MYH13: variants seen among roughly 807,000 people sequenced by gnomAD.
The protein encoded by MYH13 is myosin-13.
MYH13 carries 177 observed loss-of-function variants against 232.1 expected under a neutral mutation model. That is an observed-to-expected ratio of 0.76 (90% CI 0.67 to 0.86). The LOEUF (loss-of-function observed/expected upper bound fraction) is 0.86. Ranked by LOEUF, MYH13 falls within the 40% of genes least tolerant of loss-of-function variation. The probability of loss-of-function intolerance (pLI) is 0.00; values close to 1 mark genes in which losing one functional copy is unlikely to be tolerated. For synonymous variants in MYH13, 884 were observed against 923.5 expected, an observed-to-expected ratio of 0.96 and a Z score of 0.78; for missense variants, 2,246 against 2,405.9, an observed-to-expected ratio of 0.93 and a Z score of 1.39.
At chr17:10,315,169 G>A (rs1171236535) in intron 29 of MYH13, among the ~76,000 whole-genome samples, 1 of 152,214 alleles carries the variant, frequency 6.6e-6, no homozygotes, top group Non-Finnish European at 1.5e-5. Context: ...GACAGAGGAG[G>A]CCAGGGGATG....
chr17:10,345,412 A>G (rs1304641672), intron 14 of MYH13, 40 bp from the exon 15 acceptor site: 1 of 1,614,084 alleles, frequency 6.2e-7, no homozygotes, highest in African/African-American at 1.3e-5. Context: ...GTGAGCTTGG[A>G]AAATACATTG....
In MYH13 at chr17:10,319,032, C is replaced by T. The variant is rs767954040; in HGVS notation, c.3496G>A (p.Glu1166Lys). Residue 1166 changes from glutamate to lysine, a missense_variant, in exon 27 of 41, where the codon GAG becomes AAG. Coordinates refer to ENST00000252172, the MANE Select transcript of MYH13 (RefSeq NM_003802.3). ...EASGATSAQI[E>K]MNKKREAEFQ... is the part of the protein sequence containing the mutation. ...TCAGCCTCCCTCTTCTTGTTCATCTCAATCTGGGCTGAAGTGGCCCCACTG... is the reference window on the plus strand; with the variant it reads ...TCAGCCTCCCTCTTCTTGTTCATCTTAATCTGGGCTGAAGTGGCCCCACTG... The T allele has an allele frequency of 5.0e-6, 8 of 1,614,164 alleles. No homozygotes were observed. The highest frequency in any genetic ancestry group is 3.3e-5 in the Admixed American group (2 of 60,014).
At chr17:10,351,668 A>T (rs2071711768) in intron 11 of MYH13, among the ~76,000 whole-genome samples, 1 of 152,212 alleles carries the variant, frequency 6.6e-6, no homozygotes, top group African/African-American at 2.4e-5. Context: ...GGAGGGTGTG[A>T]TAAGACTGGG....
chr17:10,337,906 A>T (rs1041464718), intron 18 of MYH13, among the ~76,000 whole-genome samples: 4 of 152,166 alleles, frequency 2.6e-5, no homozygotes, highest in Non-Finnish European at 1.5e-5. Context: ...TACAAAAATT[A>T]GCTGGGCATG....
At position 10,364,442 on chromosome 17, in the gene MYH13, C is replaced by T. The variant is rs746153983; in HGVS notation, c.89G>A (p.Arg30His). ...GCAGGCTTTCTTGGAATCGAATGGA[C>T]GATTTTGAGCCTCGATTCTCTCCTT... ...PEKERIEAQN[R>H]PFDSKKACFV... Residue 30 changes from arginine (R) to histidine (H), a missense_variant, in exon 3 of 41, where the codon CGT (arginine) becomes CAT (histidine). Physicochemically the swap from Arg to His is conservative, Grantham distance 29. Coordinates refer to ENST00000252172, the MANE Select transcript of MYH13 (RefSeq NM_003802.3). 1.6e-5 allele frequency: 26 copies of T among 1,612,950 alleles called. No homozygotes were observed. Among genetic ancestry groups the T allele is most frequent in the Non-Finnish European group, 2.0e-5 (24 of 1,179,544 alleles).
At chr17:10,310,638 C>T (rs1289712280) in intron 33 of MYH13, among the ~76,000 whole-genome samples, 1 of 152,148 alleles carries the variant, frequency 6.6e-6, no homozygotes, top group African/African-American at 2.4e-5. Flanking sequence ...TCTAAAATGA[C>T]AGGGCAACTG....
rs377063691 is a variant in MYH13, at chr17:10,306,584, C to T, written c.5341G>A (p.Ala1781Thr). ...TTCTTCTTCATCCGCTCCAGGTGGG[C>T]GCTGGTGTCCTGTTCCTTCTTTAGC... ...EELKKEQDTSAHLERMKKNLE... is the reference protein window; with the variant it reads ...EELKKEQDTSTHLERMKKNLE... Residue 1781 changes from alanine (A) to threonine (T), a missense_variant, in exon 37 of 41, where the codon GCC (alanine) becomes ACC (threonine). Ala to Thr is a moderately conservative substitution (Grantham distance 58, BLOSUM62 0). Coordinates refer to ENST00000252172, the MANE Select transcript of MYH13 (RefSeq NM_003802.3). This position sits in a 1 kb window ranked among gnomAD's most constrained non-coding sequence, Gnocchi z 4.3. 25 of 1,613,992 alleles carry T rather than the reference C, an allele frequency of 1.5e-5. No individual in the cohort carries two copies. Among genetic ancestry groups the T allele is most frequent in the Admixed American group, 1.5e-4 (9 of 59,996 alleles).
rs964308942 is a variant in MYH13 at position 10,352,305 on chromosome 17, C to T, written c.1006-1611G>A. ...TATACCAGGCAGGCTATAAAAGCTC[C>T]GTGAGGCCAGGCGCGGTAGCTCACA... On this transcript the variant is annotated intron_variant, in intron 11 of 40. Transcript: ENST00000252172. Among the ~76,000 whole-genome samples, 10 of 152,192 alleles carry T rather than the reference C, an allele frequency of 6.6e-5. No individual in the cohort carries two copies. The East Asian group carries it at 9.7e-4, about 15-fold the overall frequency.
At chr17:10,349,585 C>T (rs1445360267) in intron 12 of MYH13, among the ~76,000 whole-genome samples, 1 of 152,056 alleles carries the variant, frequency 6.6e-6, no homozygotes, top group Admixed American at 6.6e-5. Context: ...TCTAGGATGG[C>T]ACCCAAGGTG....
At chr17:10,341,009 T>C (rs530674710) in intron 16 of MYH13, 1 of 126,786 alleles carries the variant, frequency 7.9e-6, no homozygotes, top group African/African-American at 2.7e-5. Flanking sequence ...TCTTAATGTT[T>C]GTAGTTTCTT....
intron 38 of MYH13, 29 bp downstream of exon 38, chr17:10,303,365 T>C: frequency 6.2e-7 from 1 of 1,612,914 alleles, no homozygotes; most frequent in Non-Finnish European, 8.5e-7. Context: ...CCATACAGCA[T>C]TCACTGAGGA....
At chr17:10,350,784 T>C (rs1345745974) in intron 11 of MYH13, 90 bp from the exon 12 acceptor site, 23 of 1,526,012 alleles carry the variant, frequency 1.5e-5, no homozygotes, top group Non-Finnish European at 2.1e-5. Context: ...CTTTTTTGTA[T>C]AGCATATGAG....
intron 37 of MYH13, among the ~76,000 whole-genome samples, chr17:10,305,267 T>C (rs1015708762): frequency 1.3e-5 from 2 of 152,130 alleles, no homozygotes; most frequent in African/African-American, 4.8e-5. Context: ...GCAGAAGGTG[T>C]CATGAGATCT....
At chr17:10,313,847 C>T (rs1047552178) in intron 29 of MYH13, among the ~76,000 whole-genome samples, 1 of 152,176 alleles carries the variant, frequency 6.6e-6, no homozygotes, top group Non-Finnish European at 1.5e-5. Context: ...AATGCTGTGA[C>T]CAGGAGAAGC....
At chr17:10,352,001 T>C (rs1011459778) in intron 11 of MYH13, among the ~76,000 whole-genome samples, 2 of 152,152 alleles carry the variant, frequency 1.3e-5, no homozygotes, top group Admixed American at 1.3e-4. Context: ...CTGGGATATA[T>C]GGGGAGGAGA....
At chr17:10,332,739 C>G (rs570867671) in intron 19 of MYH13, among the ~76,000 whole-genome samples, 1 of 152,254 alleles carries the variant, frequency 6.6e-6, no homozygotes, top group South Asian at 2.1e-4. Context: ...TACCACATCT[C>G]TTGAGTAGAG....
At chr17:10,314,618 C>T (rs569854904) in intron 29 of MYH13, among the ~76,000 whole-genome samples, 36 of 152,250 alleles carry the variant, frequency 2.4e-4, no homozygotes, top group African/African-American at 7.0e-4. Context: ...ACAAATATGG[C>T]GCTTGTCCTT....
chr17:10,328,782 ATTC>A (rs1163936666), intron 21 of MYH13, among the ~76,000 whole-genome samples: 1 of 151,398 alleles, frequency 6.6e-6, no homozygotes, highest in Non-Finnish European at 1.5e-5. Context: ...GGTTCAAGCA[ATTC>A]TTCTGGCTCA....
At chr17:10,317,081 C>T (rs1427011323) in intron 27 of MYH13, among the ~76,000 whole-genome samples, 1 of 152,048 alleles carries the variant, frequency 6.6e-6, no homozygotes, top group East Asian at 1.9e-4. Context: ...GTGCTGCTTC[C>T]CCTGGATGTT....
Sources: gnomAD v4.1 joint callset for allele counts (sites outside exome capture counted in the v4.1 genomes callset) on GRCh38, gnomAD v4.1.1 for gene constraint, Gnocchi (gnomAD v3.1) non-coding constraint, MANE v1.5 for transcripts, NCBI Gene and HGNC (gene_info 2026-07-23, HGNC 2026-07-21) for gene names.